Variants in SLCO1B3 observed in about 807,000 individuals in gnomAD.
SLCO1B3 encodes solute carrier organic anion transporter family member 1B3, also known as liver-specific organic anion transporter 2.
SLCO1B3 carries 72 observed loss-of-function variants against 71.8 expected under a neutral mutation model. That is an observed-to-expected ratio of 1.00 (90% CI 0.83 to 1.22). SLCO1B3 has a LOEUF of 1.22. SLCO1B3 is among the 50% of genes most tolerant of loss of function. The probability of loss-of-function intolerance (pLI) is 0.00; values close to 1 mark genes in which losing one functional copy is unlikely to be tolerated. For synonymous variants in SLCO1B3, 298 were observed against 278.4 expected, an observed-to-expected ratio of 1.07 and a Z score of -0.70; for missense variants, 911 against 819.7, an observed-to-expected ratio of 1.11 and a Z score of -1.36.
At chr12:20,910,447 C>T (rs530608643) in intron 15 of SLCO1B3, among the ~76,000 whole-genome samples, 1 of 152,130 alleles carries the variant, frequency 6.6e-6, no homozygotes, top group South Asian at 2.1e-4. Flanking sequence ...TCTTTTGCCT[C>T]TTCACATAAA....
At chr12:20,894,344 AAGT>A (rs574623842) in intron 13 of SLCO1B3, among the ~76,000 whole-genome samples, 1 of 152,098 alleles carries the variant, frequency 6.6e-6, no homozygotes, top group Non-Finnish European at 1.5e-5. Context: ...AGCAGGCAAG[AAGT>A]AGTGTGAGTG....
At chr12:20,823,658 G>A (rs1202841612) in intron 3 of SLCO1B3, among the ~76,000 whole-genome samples, 1 of 152,164 alleles carries the variant, frequency 6.6e-6, no homozygotes, top group Non-Finnish European at 1.5e-5. Flanking sequence ...TGGCTTTGCT[G>A]GATCTTTTTG....
At chr12:20,898,835 T>A (rs7973653) in intron 14 of SLCO1B3, among the ~76,000 whole-genome samples, 16,027 of 152,104 alleles carry the variant, frequency 0.11, 1,129 homozygotes, top group Middle Eastern at 0.23. Flanking sequence ...ATACGCAGAG[T>A]GGAGGACCTT....
At position 20,909,818 on chromosome 12, in the gene SLCO1B3, C is replaced by T. The variant is rs187720916; in HGVS notation, c.1866-6186C>T. Among the ~76,000 whole-genome samples the T allele has an allele frequency of 1.4e-3, 215 of 152,144 alleles. 1 individual carries two copies. The highest frequency in any genetic ancestry group is 4.7e-3 in the African/African-American group (197 of 41,508). ...CTTGCACTCCTAGGCTCAGGGAATCCGCTAACCTTAGCCTCCTATTGATGT... is the reference window on the plus strand; with the variant it reads ...CTTGCACTCCTAGGCTCAGGGAATCTGCTAACCTTAGCCTCCTATTGATGT... On this transcript the variant is annotated intron_variant, in intron 15 of 15. Transcript: ENST00000381545.
In SLCO1B3 at chr12:20,883,437, G is replaced by A; in HGVS notation, c.1517G>A (p.Cys506Tyr). 6.4e-7 allele frequency: 1 copy of A among 1,560,264 alleles called. No homozygotes were observed. Among genetic ancestry groups the A allele is most frequent in the Non-Finnish European group, 8.6e-7 (1 of 1,157,352 alleles). The change falls in exon 13 of 16, where the codon TGT (cysteine) becomes TAT (tyrosine). Residue 506 changes from cysteine to tyrosine, a missense_variant. By Grantham distance (194) the Cys-to-Tyr change is radical (BLOSUM62 -2). Coordinates refer to ENST00000381545, the MANE Select transcript of SLCO1B3 (RefSeq NM_019844.4). ...TTTTAGGTGTTTTATAACTGTAGTT[G>A]TGTGGAAGTAACTGGTCTCCAGAAC... Reference protein sequence around the residue: ...KKHTVFYNCSCVEVTGLQNRN... With the variant: ...KKHTVFYNCSYVEVTGLQNRN...
rs773440798 is a variant in SLCO1B3, at chr12:20,875,463, C to G, written c.956C>G (p.Thr319Ser). The part of the protein sequence containing the change: ...ANLTNQGKNV[T>S]KNVTGFFQSL... ...TTGACCAACCAAGGAAAAAATGTTA[C>G]CAAAAATGTGACTGGTAGGTATTTG... Residue 319 changes from threonine (T) to serine (S), a missense_variant, in exon 9 of 16, where the codon ACC becomes AGC. Transcript: ENST00000381545. The G allele has an allele frequency of 5.6e-6, 9 of 1,600,646 alleles. No homozygotes were observed. Among genetic ancestry groups the G allele is most frequent in the African/African-American group, 1.4e-5 (1 of 73,690 alleles).
chr12:20,885,170 T>C (rs554356543), intron 13 of SLCO1B3, among the ~76,000 whole-genome samples: 1 of 152,304 alleles, frequency 6.6e-6, no homozygotes, highest in African/African-American at 2.4e-5. Flanking sequence ...GAGCATTTAT[T>C]AATTTCTCAC....
intron 15 of SLCO1B3, among the ~76,000 whole-genome samples, chr12:20,904,811 A>G (rs993964381): frequency 2.8e-5 from 3 of 108,950 alleles, no homozygotes; most frequent in East Asian, 6.4e-4. Context: ...TCTTGCTCTG[A>G]TGCCCAGGCT....
intron 8 of SLCO1B3, among the ~76,000 whole-genome samples, chr12:20,872,546 T>G (rs183119101): frequency 2.0e-5 from 3 of 152,156 alleles, no homozygotes; most frequent in Non-Finnish European, 2.9e-5. Context: ...TGGTCACACC[T>G]GAAGTCAGCA....
At chr12:20,857,217 A>C (rs1255223841) in intron 4 of SLCO1B3, among the ~76,000 whole-genome samples, 1 of 152,096 alleles carries the variant, frequency 6.6e-6, no homozygotes, top group Non-Finnish European at 1.5e-5. Context: ...ATATCCAAAA[A>C]TTTACTAGCA....
At chr12:20,889,915 A>ATT (rs36117594) in intron 13 of SLCO1B3, among the ~76,000 whole-genome samples, 1 of 145,094 alleles carries the variant, frequency 6.9e-6, no homozygotes, top group African/African-American at 2.5e-5. Context: ...CATTTTCTTA[A>ATT]TTTTTTTTTT....
chr12:20,834,966 T>G (rs190873972), intron 3 of SLCO1B3, among the ~76,000 whole-genome samples: 1 of 152,312 alleles, frequency 6.6e-6, no homozygotes, highest in African/African-American at 2.4e-5. Flanking sequence ...AGCACACCTC[T>G]GCCTGACATC....
At position 20,836,842 on chromosome 12, in the gene SLCO1B3, T is replaced by C. The variant is rs547977828; in HGVS notation, c.85-18186T>C. Among the ~76,000 whole-genome samples the C allele has an allele frequency of 3.9e-4, 59 of 152,190 alleles. 1 individual carries two copies. Among genetic ancestry groups the C allele is most frequent in the South Asian group, 2.1e-3 (10 of 4,818 alleles). On this transcript the variant is annotated intron_variant, in intron 3 of 15. Coordinates refer to ENST00000381545, the MANE Select transcript of SLCO1B3 (RefSeq NM_019844.4). Reference sequence around the variant, plus strand: ...ATTTTTACTAGAGATGGGGTTTCACTGTGTTAGCCAGGATGGTCTCGATCT... The same window carrying C: ...ATTTTTACTAGAGATGGGGTTTCACCGTGTTAGCCAGGATGGTCTCGATCT...
rs953846251 is a variant in SLCO1B3, at chr12:20,916,284, G to T, written c.*37G>T. 42 of 1,589,324 alleles carry T rather than the reference G, an allele frequency of 2.6e-5. No individual in the cohort carries two copies. The highest frequency in any genetic ancestry group is 3.6e-5 in the Non-Finnish European group (42 of 1,165,606). The stretch of plus-strand genomic sequence containing the variant: ...TTCATTAAGATGTTATTTTTGAGGT[G>T]TTCCTGGTCTTTCACTGACAATTCC... On this transcript the variant is annotated 3_prime_UTR_variant, in exon 16 of 16. Transcript: ENST00000381545.
At chr12:20,867,456 A>G (rs1407363768) in intron 8 of SLCO1B3, among the ~76,000 whole-genome samples, 1 of 151,936 alleles carries the variant, frequency 6.6e-6, no homozygotes, top group Non-Finnish European at 1.5e-5. Flanking sequence ...GTGTGGAGTG[A>G]AGAATTTCAA....
At chr12:20,839,351 G>A (rs904337129) in intron 3 of SLCO1B3, among the ~76,000 whole-genome samples, 17 of 152,086 alleles carry the variant, frequency 1.1e-4, no homozygotes, top group South Asian at 8.3e-4. Flanking sequence ...CAACTCTGAC[G>A]AGAAATTCCT....
intron 3 of SLCO1B3, among the ~76,000 whole-genome samples, chr12:20,829,224 G>T (rs1422187244): frequency 6.6e-6 from 1 of 152,174 alleles, no homozygotes; most frequent in Non-Finnish European, 1.5e-5. Flanking sequence ...AGAAATTAAG[G>T]CCAGCTAGTT....
intron 15 of SLCO1B3, among the ~76,000 whole-genome samples, chr12:20,901,694 A>G (rs1369347621): frequency 6.6e-6 from 1 of 152,196 alleles, no homozygotes; most frequent in African/African-American, 2.4e-5. Flanking sequence ...TGAAGAAAAC[A>G]AGATTGAAGA....
rs368629474 is a variant in SLCO1B3, at chr12:20,862,738, G to T, written c.629-18G>T. The T allele has an allele frequency of 3.8e-5, 60 of 1,576,290 alleles. No homozygotes were observed. The highest frequency in any genetic ancestry group is 3.4e-4 in the Middle Eastern group (2 of 5,930). On this transcript the variant is annotated intron_variant, in intron 7 of 15. Coordinates refer to ENST00000381545, the MANE Select transcript of SLCO1B3 (RefSeq NM_019844.4). ...AGTATTTGTGACATCTGATTAAATT[G>T]TTTTGTAATACTTACAGGTAGTTTG...
Sources: gnomAD v4.1 joint callset for allele counts (sites outside exome capture counted in the v4.1 genomes callset) on GRCh38, gnomAD v4.1.1 for gene constraint, MANE v1.5 for transcripts, NCBI Gene and HGNC (gene_info 2026-07-23, HGNC 2026-07-21) for gene names.